The following NXPE2 variants were observed in gnomAD, a reference collection of about 807,000 sequenced individuals.
NXPE2 encodes the protein NXPE family member 2.
In NXPE2, 34 loss-of-function variants were observed where a neutral mutation model predicts 34.4. The ratio of observed to expected loss-of-function variants is 0.99; its 90% confidence interval spans 0.75 to 1.31. The LOEUF is 1.31. Among genes scored for constraint, NXPE2 ranks in the 40% most tolerant of loss-of-function variants. The probability of loss-of-function intolerance (pLI) is 0.00; values close to 1 mark genes in which losing one functional copy is unlikely to be tolerated. For synonymous variants in NXPE2, 235 were observed against 231.3 expected, an observed-to-expected ratio of 1.02 and a Z score of -0.15; for missense variants, 649 against 672.5, an observed-to-expected ratio of 0.97 and a Z score of 0.39.
the NXPE2 span, among the ~76,000 whole-genome samples, chr11:114,797,117 G>A: frequency 2.6e-5 from 4 of 152,258 alleles, no homozygotes; most frequent in South Asian, 2.1e-4. Context: ...ATTCAGTATC[G>A]CATGACTCAC....
At chr11:114,616,963 C>T in the NXPE2 span, among the ~76,000 whole-genome samples, 24 of 144,324 alleles carry the variant, frequency 1.7e-4, no homozygotes, top group African/African-American at 3.8e-4. Context: ...CACTCTTACC[C>T]GGTTTATTAT....
the NXPE2 span, among the ~76,000 whole-genome samples, chr11:114,623,186 C>G: frequency 6.6e-6 from 1 of 151,784 alleles, no homozygotes; most frequent in Admixed American, 6.6e-5. Context: ...ATTATTGCCT[C>G]TAGGGTAACC....
chr11:114,533,572 G>T, the NXPE2 span, among the ~76,000 whole-genome samples: 9 of 152,298 alleles, frequency 5.9e-5, no homozygotes, highest in African/African-American at 2.2e-4. Flanking sequence ...CTGGAAAATC[G>T]GGTCACTCCC....
the NXPE2 span, among the ~76,000 whole-genome samples, chr11:114,508,178 A>T: frequency 1.3e-5 from 2 of 152,154 alleles, no homozygotes; most frequent in South Asian, 2.1e-4. Flanking sequence ...CTACGAATAC[A>T]CCTAACTAGG....
At chr11:114,752,270 G>A in the NXPE2 span, among the ~76,000 whole-genome samples, 583 of 152,378 alleles carry the variant, frequency 3.8e-3, 3 homozygotes, top group African/African-American at 0.013. Flanking sequence ...GAAGCCAAAT[G>A]AAGGAGGAAG....
the NXPE2 span, among the ~76,000 whole-genome samples, chr11:114,492,541 CTTT>C: frequency 9.2e-5 from 13 of 141,390 alleles, no homozygotes; most frequent in Non-Finnish European, 7.7e-5. Context: ...GTTTCTTTTT[CTTT>C]TTTTTTTTTT....
At chr11:114,798,345 CTCTCTTTG>C in the NXPE2 span, among the ~76,000 whole-genome samples, 37 of 151,964 alleles carry the variant, frequency 2.4e-4, 1 homozygote, top group African/African-American at 8.2e-4. Flanking sequence ...TCATCTCTTT[CTCTCTTTG>C]GGCTCCTCCT....
At chr11:114,552,303 A>AATG in the NXPE2 span, among the ~76,000 whole-genome samples, 11 of 151,812 alleles carry the variant, frequency 7.2e-5, no homozygotes, top group African/African-American at 2.7e-4. Context: ...ATGAATGAAT[A>AATG]CAGAAGAGAA....
the NXPE2 span, among the ~76,000 whole-genome samples, chr11:114,493,956 A>AT: frequency 0.02 from 3,032 of 151,840 alleles, 43 homozygotes; most frequent in Non-Finnish European, 0.03. Flanking sequence ...TATTTGAAGG[A>AT]TTTTTTTGCT....
chr11:114,795,662 C>A, the NXPE2 span, among the ~76,000 whole-genome samples: 2 of 152,182 alleles, frequency 1.3e-5, no homozygotes, highest in African/African-American at 4.8e-5. Flanking sequence ...TCAACACAAC[C>A]CCTGAGGGAA....
At chr11:114,549,873 A>C in the NXPE2 span, among the ~76,000 whole-genome samples, 1 of 152,094 alleles carries the variant, frequency 6.6e-6, no homozygotes, top group Non-Finnish European at 1.5e-5. Context: ...AAAAGAATTT[A>C]GTAAAATAGT....
the NXPE2 span, chr11:114,580,246 A>G: frequency 6.2e-7 from 1 of 1,613,988 alleles, no homozygotes; most frequent in Non-Finnish European, 8.5e-7. Context: ...AAACTACAGG[A>G]GACAGGATTC....
chr11:114,651,400 C>T, the NXPE2 span, among the ~76,000 whole-genome samples: 2 of 152,088 alleles, frequency 1.3e-5, no homozygotes, highest in Non-Finnish European at 2.9e-5. Context: ...TCGCTGGCTT[C>T]AGGAGTGAAG....
chr11:114,712,227 G>T, the NXPE2 span, among the ~76,000 whole-genome samples: 1 of 152,158 alleles, frequency 6.6e-6, no homozygotes, highest in African/African-American at 2.4e-5. Context: ...AAGGATTTAG[G>T]ACAGTAATTT....
the NXPE2 span, among the ~76,000 whole-genome samples, chr11:114,792,933 C>G: frequency 6.6e-6 from 1 of 152,168 alleles, no homozygotes; most frequent in South Asian, 2.1e-4. Context: ...ACTATTGGTT[C>G]TAAAGCTTCT....
chr11:114,800,723 TAATCTTGGACA>T, the NXPE2 span, among the ~76,000 whole-genome samples: 1 of 152,342 alleles, frequency 6.6e-6, no homozygotes, highest in East Asian at 1.9e-4. Context: ...ACTTACTGTG[TAATCTTGGACA>T]AATTGTGTAA....
intron 2 of NXPE2, among the ~76,000 whole-genome samples, chr11:114,688,224 C>A (rs1242842318): frequency 6.6e-6 from 1 of 152,008 alleles, no homozygotes; most frequent in Non-Finnish European, 1.5e-5. Flanking sequence ...GTGGGTTTGC[C>A]ATAGATAGCC....
the NXPE2 span, among the ~76,000 whole-genome samples, chr11:114,466,037 A>G: frequency 6.6e-6 from 1 of 152,284 alleles, no homozygotes; most frequent in Admixed American, 6.5e-5. Context: ...TATTTAGTAG[A>G]CTATTTTAGT....
the NXPE2 span, among the ~76,000 whole-genome samples, chr11:114,746,754 G>A: frequency 5.9e-5 from 9 of 152,196 alleles, no homozygotes; most frequent in African/African-American, 2.2e-4. Flanking sequence ...GGGAACTTGA[G>A]GCAGGAGAAT....
Sources: allele counts gnomAD v4.1 joint callset (sites outside exome capture counted in the v4.1 genomes callset), GRCh38; gene constraint gnomAD v4.1.1; transcripts MANE v1.5; gene names NCBI Gene and HGNC (gene_info 2026-07-23, HGNC 2026-07-21).